NCKAP5: variants seen among roughly 807,000 people sequenced by gnomAD.
The protein encoded by NCKAP5 is nck-associated protein 5.
Under a neutral mutation model 167.0 loss-of-function variants are expected in NCKAP5, and 92 were observed. The observed-to-expected ratio is 0.55, with a 90% CI of 0.47 to 0.66. The LOEUF (loss-of-function observed/expected upper bound fraction) is 0.66. NCKAP5 is among the 30% of genes least tolerant of loss of function. The pLI, the probability that NCKAP5 is intolerant of heterozygous loss-of-function variation, is 0.00. For missense variants in NCKAP5, 2,378 were observed against 2,315.0 expected (o/e 1.03, Z -0.56); for synonymous variants, 891 against 877.4 (o/e 1.02, Z -0.27).
intron 3 of NCKAP5, among the ~76,000 whole-genome samples, chr2:133,360,846 G>C (rs1488621629): frequency 6.6e-6 from 1 of 151,698 alleles, no homozygotes; most frequent in African/African-American, 2.4e-5. Context: ...TTAAAAGGCT[G>C]GTGAGTAGAA....
At chr2:132,892,542 A>G (rs963067160) in intron 8 of NCKAP5, among the ~76,000 whole-genome samples, 7 of 152,228 alleles carry the variant, frequency 4.6e-5, no homozygotes, top group African/African-American at 1.7e-4. Flanking sequence ...GGAGCTAAAA[A>G]ATGTAAAACA....
intron 6 of NCKAP5, among the ~76,000 whole-genome samples, chr2:133,055,915 T>G (rs2079782271): frequency 6.6e-6 from 1 of 152,228 alleles, no homozygotes; most frequent in Admixed American, 6.5e-5. Flanking sequence ...TATTTTATCA[T>G]GAGCTTTAAT....
intron 3 of NCKAP5, chr2:133,433,878 C>T (rs1024235445): frequency 6.6e-6 from 1 of 152,172 alleles, no homozygotes; most frequent in Non-Finnish European, 1.5e-5. Context: ...GACTACAGAT[C>T]TATCTAACTT....
intron 19 of NCKAP5, among the ~76,000 whole-genome samples, chr2:132,705,772 C>A (rs1056277119): frequency 1.3e-5 from 2 of 152,116 alleles, no homozygotes; most frequent in African/African-American, 2.4e-5. Flanking sequence ...CTAGAAAGAA[C>A]CTTAGAATTC....
intron 3 of NCKAP5, among the ~76,000 whole-genome samples, chr2:133,496,195 A>T (rs1575060147): frequency 6.6e-6 from 1 of 152,336 alleles, no homozygotes; most frequent in Non-Finnish European, 1.5e-5. Flanking sequence ...ATCTTGCAGA[A>T]AAAGGGAAAC....
intron 2 of NCKAP5, among the ~76,000 whole-genome samples, chr2:133,553,443 T>G (rs1356267858): frequency 1.3e-5 from 2 of 152,104 alleles, no homozygotes; most frequent in Non-Finnish European, 2.9e-5. Flanking sequence ...CAGCCCAAAC[T>G]TGGGAACCAC....
chr2:132,937,119 A>G (rs967617161), intron 8 of NCKAP5, among the ~76,000 whole-genome samples: 1 of 152,116 alleles, frequency 6.6e-6, no homozygotes, highest in African/African-American at 2.4e-5. Flanking sequence ...GTCAGTCACT[A>G]TTAGAGAGCT....
intron 6 of NCKAP5, among the ~76,000 whole-genome samples, chr2:133,065,746 A>T (rs1238547891): frequency 6.6e-6 from 1 of 152,200 alleles, no homozygotes; most frequent in Non-Finnish European, 1.5e-5. Context: ...ATCTCAGTGC[A>T]CTATATGGTC....
chr2:132,922,203 T>C (rs961990424), intron 8 of NCKAP5, among the ~76,000 whole-genome samples: 1 of 152,280 alleles, frequency 6.6e-6, no homozygotes, highest in Non-Finnish European at 1.5e-5. Flanking sequence ...TTCTTACTAA[T>C]GCATTAAGGA....
At chr2:133,151,782 A>G (rs1452371909) in intron 5 of NCKAP5, among the ~76,000 whole-genome samples, 2 of 152,194 alleles carry the variant, frequency 1.3e-5, no homozygotes, top group Admixed American at 6.5e-5. Context: ...TTACCAAAAT[A>G]TATTCTAAAC....
chr2:132,733,442 T>C (rs1691216137), intron 16 of NCKAP5, among the ~76,000 whole-genome samples: 1 of 152,188 alleles, frequency 6.6e-6, no homozygotes, highest in African/African-American at 2.4e-5. Context: ...CTATGACTAA[T>C]TGTTTCAACC....
At chr2:133,005,440 T>C (rs900451668) in intron 6 of NCKAP5, among the ~76,000 whole-genome samples, 24 of 152,342 alleles carry the variant, frequency 1.6e-4, no homozygotes, top group Non-Finnish European at 2.8e-4. Context: ...TAGTCAATAG[T>C]TAATATCATT....
At chr2:133,106,470 G>T (rs1429468337) in intron 6 of NCKAP5, among the ~76,000 whole-genome samples, 1 of 152,002 alleles carries the variant, frequency 6.6e-6, no homozygotes, top group Non-Finnish European at 1.5e-5. Flanking sequence ...AATTATTTGG[G>T]GTGTATTTAT....
chr2:133,472,918 G>A (rs183001139), intron 3 of NCKAP5, among the ~76,000 whole-genome samples: 4 of 152,172 alleles, frequency 2.6e-5, no homozygotes, highest in African/African-American at 7.2e-5. Context: ...GCTTCCACAT[G>A]GCCACTGCCT....
chr2:132,782,694 G>A lies in NCKAP5; in HGVS notation c.4117C>T (p.Pro1373Ser), dbSNP rs954167229. 10 of 1,613,788 alleles carry A rather than the reference G, an allele frequency of 6.2e-6. No individual in the cohort carries two copies. The Admixed American group carries it at 1.2e-4, about 19-fold the overall frequency. ...GSPSKLPLRI[P>S]PKSEGLLIPP... ...ATGAGGAGTCCCTCAGACTTTGGAG[G>A]GATCCTCAAAGGCAACTTACTTGGG... Residue 1373 changes from proline (P) to serine (S), a missense_variant, in exon 14 of 20, where the codon CCT becomes TCT. This residue lies in a region of NCKAP5 where 1,325 missense variants were observed against 1,274.5 expected (regional missense o/e 1.04). Coordinates refer to ENST00000409261, the MANE Select transcript of NCKAP5 (RefSeq NM_207363.3).
intron 2 of NCKAP5, among the ~76,000 whole-genome samples, chr2:133,546,457 T>C (rs1010346293): frequency 6.6e-6 from 1 of 152,206 alleles, no homozygotes. Context: ...GTCCTGCTCA[T>C]GTATACTCCA....
At chr2:133,397,166 A>G (rs1687782527) in intron 3 of NCKAP5, among the ~76,000 whole-genome samples, 1 of 152,144 alleles carries the variant, frequency 6.6e-6, no homozygotes, top group African/African-American at 2.4e-5. Flanking sequence ...AAAATCTCTC[A>G]AATCTCTCTG....
At chr2:132,836,631 G>A (rs1260529401) in intron 11 of NCKAP5, among the ~76,000 whole-genome samples, 1 of 151,884 alleles carries the variant, frequency 6.6e-6, no homozygotes, top group Non-Finnish European at 1.5e-5. Context: ...TGAGATCCTG[G>A]TGCACCCATC....
chr2:133,445,969 G>C (rs758590301), intron 3 of NCKAP5, among the ~76,000 whole-genome samples: 10 of 152,208 alleles, frequency 6.6e-5, no homozygotes, highest in Non-Finnish European at 1.3e-4. Context: ...GTGTGTGTTT[G>C]TGGCAGCGTG....
Sources: gnomAD v4.1 joint callset for allele counts (sites outside exome capture counted in the v4.1 genomes callset) on GRCh38, gnomAD v4.1.1 for gene constraint, gnomAD v4.1.1 regional missense constraint, MANE v1.5 for transcripts, NCBI Gene and HGNC (gene_info 2026-07-23, HGNC 2026-07-21) for gene names.